The following SH2D1A variants were observed in gnomAD, a reference collection of about 807,000 sequenced individuals.
SH2D1A encodes SH2 domain containing 1A, also known as SH2 domain-containing protein 1A.
Under a neutral mutation model 10.1 loss-of-function variants are expected in SH2D1A, and 6 were observed. That is an observed-to-expected ratio of 0.60 (90% confidence interval 0.33 to 1.18). SH2D1A has a LOEUF of 1.18. Among genes scored for constraint, SH2D1A ranks in the 50% most tolerant of loss-of-function variants. The pLI is 0.04. For synonymous variants in SH2D1A, 42 were observed against 36.9 expected (o/e 1.14, Z -0.51); for missense variants, 51 against 97.6 (o/e 0.52, Z 2.01).
At position 124,372,712 on chromosome X, in the gene SH2D1A, A is replaced by G. The variant is rs6649207; in HGVS notation, c.*1321A>G. 27,580 of 166,384 alleles carry G rather than the reference A, an allele frequency of 0.17. 1,934 individuals carry two copies. Among genetic ancestry groups the G allele is most frequent in the East Asian group, 0.31 (3,553 of 11,567 alleles). The allele number at this position is 166,384 out of a possible 1,213,427, so 13.7% of individuals were successfully genotyped here. A position where few individuals can be genotyped will look rare whatever the true frequency, so the allele number is the denominator to read the frequency against. On this transcript the variant is annotated 3_prime_UTR_variant, in exon 4 of 4. Coordinates refer to ENST00000371139, the MANE Select transcript of SH2D1A (RefSeq NM_002351.5). ...GTAAAATAATAACTGGGAATTCTGGATTGTGTATGGGTGTTGGTGAACTTG... is the reference window on the plus strand; with the variant it reads ...GTAAAATAATAACTGGGAATTCTGGGTTGTGTATGGGTGTTGGTGAACTTG...
At chrX:124,354,087 T>C (rs1002588956) in intron 1 of SH2D1A, among the ~76,000 whole-genome samples, 6 of 112,227 alleles carry the variant, frequency 5.3e-5, no homozygotes, top group African/African-American at 1.9e-4. Flanking sequence ...TTTATCTTCA[T>C]GATAACTTAG....
intron 1 of SH2D1A, among the ~76,000 whole-genome samples, chrX:124,350,462 C>T (rs1487613718): frequency 9.7e-5 from 3 of 31,027 alleles, no homozygotes; most frequent in African/African-American, 1.3e-4. Flanking sequence ...ATATTATATA[C>T]TATATATAAT....
At chrX:124,365,905 A>G in intron 2 of SH2D1A, 81 bp downstream of exon 2, 2 of 606,069 alleles carry the variant, frequency 3.3e-6, no homozygotes, top group Non-Finnish European at 5.8e-6. Flanking sequence ...AGAGCAAATT[A>G]TACATTATTA....
chrX:124,363,457 G>C (rs732202), intron 1 of SH2D1A, among the ~76,000 whole-genome samples: 47,058 of 110,337 alleles, frequency 0.43, 8,061 homozygotes, highest in African/African-American at 0.63. Context: ...ATACAATGGT[G>C]GTCCCATAAG....
chrX:124,349,238 T>C (rs771592807), intron 1 of SH2D1A, among the ~76,000 whole-genome samples: 1 of 112,035 alleles, frequency 8.9e-6, no homozygotes, highest in Non-Finnish European at 1.9e-5. Flanking sequence ...CTTATGTGAC[T>C]GTTAGGGTGA....
chrX:124,367,739 G>A (rs764030842), intron 2 of SH2D1A: 7 of 111,683 alleles, frequency 6.3e-5, no homozygotes, highest in African/African-American at 2.3e-4. Context: ...GATATCATGT[G>A]TTTTTCTAGT....
In SH2D1A at chrX:124,372,391, A is replaced by G. The variant is rs1171201480; in HGVS notation, c.*1000A>G. 5.8e-6 allele frequency: 1 copy of G among 171,858 alleles called. No individual in the cohort carries two copies. Among genetic ancestry groups the G allele is most frequent in the African/African-American group, 3.0e-5 (1 of 33,830 alleles). The allele number at this position is 171,858 out of a possible 1,213,427, so 14.2% of individuals were successfully genotyped here. A position where few individuals can be genotyped will look rare whatever the true frequency, so the allele number is the denominator to read the frequency against. ...CAGGGCTCACAGAATTCATTCACTC[A>G]ACAAACATAATAGGGCGCTGAGGGC... On this transcript the variant is annotated 3_prime_UTR_variant, in exon 4 of 4. Transcript: ENST00000371139.
At chrX:124,364,748 G>T (rs780090118) in intron 1 of SH2D1A, among the ~76,000 whole-genome samples, 1 of 110,790 alleles carries the variant, frequency 9.0e-6, no homozygotes, top group African/African-American at 3.3e-5. Context: ...TCCTGACCTC[G>T]TGATCTGGGA....
intron 1 of SH2D1A, among the ~76,000 whole-genome samples, chrX:124,347,534 C>T (rs754623756): frequency 8.9e-6 from 1 of 111,899 alleles, no homozygotes; most frequent in Non-Finnish European, 1.9e-5. Flanking sequence ...TGCGTCTTTG[C>T]TCCAGGGCTC....
intron 1 of SH2D1A, among the ~76,000 whole-genome samples, chrX:124,354,775 A>G (rs1377169254): frequency 8.9e-6 from 1 of 112,668 alleles, no homozygotes; most frequent in Non-Finnish European, 1.9e-5. Flanking sequence ...AAGTTAGAAC[A>G]TCATAAGTAT....
rs147182472 is a variant in SH2D1A, at chrX:124,362,820, T to C, written c.138-2941T>C. 2.4e-4 allele frequency among the ~76,000 whole-genome samples: 26 copies of C among 109,970 alleles called. No individual in the cohort carries two copies. In the East Asian group the frequency reaches 6.6e-3, roughly 28 times the overall value. ...CATGACTGTAATTGGAGATAGGGGG[T>C]AATTAAGGTTAAATGAGTTAAATCA... On this transcript the variant is annotated intron_variant, in intron 1 of 3. Transcript: ENST00000371139.
At chrX:124,351,671 C>T (rs1173721034) in intron 1 of SH2D1A, among the ~76,000 whole-genome samples, 3 of 110,120 alleles carry the variant, frequency 2.7e-5, no homozygotes, top group Non-Finnish European at 5.7e-5. Context: ...TTTTATATTC[C>T]TTTGGTTAGT....
At chrX:124,354,579 T>A (rs1004676315) in intron 1 of SH2D1A, among the ~76,000 whole-genome samples, 8 of 111,880 alleles carry the variant, frequency 7.2e-5, no homozygotes, top group Non-Finnish European at 1.5e-4. Flanking sequence ...CTATTTTCCC[T>A]TGGGCAGGTT....
At chrX:124,366,485 A>T (rs1349205447) in intron 2 of SH2D1A, among the ~76,000 whole-genome samples, 1 of 111,757 alleles carries the variant, frequency 8.9e-6, no homozygotes, top group Non-Finnish European at 1.9e-5. Context: ...CCTGGCACAC[A>T]GTGAGCCCTC....
At chrX:124,367,530 G>A (rs1056539003) in intron 2 of SH2D1A, 3 of 112,021 alleles carry the variant, frequency 2.7e-5, no homozygotes, top group Non-Finnish European at 5.6e-5. Flanking sequence ...TGTGATAAAT[G>A]TATTTTCGAA....
intron 1 of SH2D1A, among the ~76,000 whole-genome samples, chrX:124,361,157 T>C (rs763694001): frequency 9.0e-6 from 1 of 111,523 alleles, no homozygotes; most frequent in East Asian, 2.8e-4. Context: ...TAGGAGGTAA[T>C]TAATGATAAA....
intron 1 of SH2D1A, among the ~76,000 whole-genome samples, chrX:124,354,264 G>A (rs1214057810): frequency 9.0e-6 from 1 of 111,186 alleles, no homozygotes; most frequent in East Asian, 2.8e-4. Context: ...TGCAAGATTA[G>A]CCTGAAGATG....
At chrX:124,347,995 G>C (rs183737289) in intron 1 of SH2D1A, among the ~76,000 whole-genome samples, 1 of 111,474 alleles carries the variant, frequency 9.0e-6, no homozygotes, top group Non-Finnish European at 1.9e-5. Flanking sequence ...CCCCACAAGA[G>C]TTTGAAATAC....
rs1397936870 is a variant in SH2D1A at position 124,372,624 on chromosome X, C to CAGAT, written c.*1240_*1243dup. The CAGAT allele has an allele frequency of 5.9e-6, 1 of 170,165 alleles. No homozygotes were observed. The highest frequency in any genetic ancestry group is 8.4e-5 in the East Asian group (1 of 11,855). 14.0% of individuals were successfully genotyped at this position (170,165 alleles called of 1,213,427 possible). A position where few individuals can be genotyped will look rare whatever the true frequency, so the allele number is the denominator to read the frequency against. ...TGTAGGTAGATCTGGTCTTTAGAGG[C>CAGAT]AGATAGATAGGTCAGTGCAAATACT... On this transcript the variant is annotated 3_prime_UTR_variant, in exon 4 of 4. Coordinates refer to ENST00000371139, the MANE Select transcript of SH2D1A (RefSeq NM_002351.5).
Sources: allele counts gnomAD v4.1 joint callset (sites outside exome capture counted in the v4.1 genomes callset), GRCh38; gene constraint gnomAD v4.1.1; transcripts MANE v1.5; gene names NCBI Gene and HGNC (gene_info 2026-07-23, HGNC 2026-07-21).